The following ZSCAN25 variants were observed in gnomAD, a reference collection of about 807,000 sequenced individuals.
ZSCAN25 encodes the protein zinc finger and SCAN domain containing 25.
ZSCAN25 carries 27 observed loss-of-function variants against 38.7 expected under a neutral mutation model. The observed-to-expected ratio is 0.70, with a 90% confidence interval of 0.51 to 0.96. The LOEUF is 0.96. Ranked by LOEUF, ZSCAN25 falls within the 40% of genes least tolerant of loss-of-function variation. ZSCAN25 has a pLI of 0.00. For missense variants in ZSCAN25, 637 were observed against 705.9 expected (o/e 0.90, Z 1.11); for synonymous variants, 273 against 277.7 (o/e 0.98, Z 0.17).
At chr7:99,700,108 G>A in the ZSCAN25 span, 1 of 1,047,376 alleles carries the variant, frequency 9.5e-7, no homozygotes, top group South Asian at 1.3e-5. Context: ...TGGGCTGTCT[G>A]CCTGGAGCAT....
At chr7:99,721,232 C>A in the ZSCAN25 span, among the ~76,000 whole-genome samples, 1 of 152,120 alleles carries the variant, frequency 6.6e-6, no homozygotes, top group Non-Finnish European at 1.5e-5. Flanking sequence ...ATTTATATAT[C>A]CTTCTATTAA....
chr7:99,703,925 C>T, the ZSCAN25 span, among the ~76,000 whole-genome samples: 3 of 151,996 alleles, frequency 2.0e-5, no homozygotes, highest in Non-Finnish European at 1.5e-5. Flanking sequence ...CCTACTTGGT[C>T]TCTGACTTGG....
At chr7:99,660,322 A>C in the ZSCAN25 span, 6 of 1,220,002 alleles carry the variant, frequency 4.9e-6, no homozygotes, top group Non-Finnish European at 6.1e-6. Context: ...TGCTTCTGCC[A>C]GTAGCAACCG....
At chr7:99,661,015 T>C in the ZSCAN25 span, among the ~76,000 whole-genome samples, 9 of 152,170 alleles carry the variant, frequency 5.9e-5, no homozygotes, top group Admixed American at 3.9e-4. Context: ...TGTAAGTAAA[T>C]ATGGGGTAGG....
At chr7:99,715,739 G>T in the ZSCAN25 span, 1 of 1,613,522 alleles carries the variant, frequency 6.2e-7, no homozygotes, top group South Asian at 1.1e-5. Context: ...GAGAGAAAAG[G>T]AAATAGTAGT....
the ZSCAN25 span, among the ~76,000 whole-genome samples, chr7:99,737,453 C>T: frequency 6.6e-6 from 1 of 152,118 alleles, no homozygotes; most frequent in African/African-American, 2.4e-5. Context: ...AAGAAAGATG[C>T]AGTTTCTGAC....
chr7:99,624,756 C>T (rs73713531), intron 7 of ZSCAN25, among the ~76,000 whole-genome samples: 10,418 of 152,090 alleles, frequency 0.068, 509 homozygotes, highest in African/African-American at 0.13. Flanking sequence ...TGGGGGGATG[C>T]GGCCATTGTG....
At chr7:99,706,344 A>C in the ZSCAN25 span, among the ~76,000 whole-genome samples, 2 of 152,330 alleles carry the variant, frequency 1.3e-5, no homozygotes, top group East Asian at 3.9e-4. Context: ...TACCTTCCCC[A>C]TCCTAGGTGT....
the ZSCAN25 span, chr7:99,664,219 C>T: frequency 6.8e-6 from 6 of 879,148 alleles, no homozygotes; most frequent in Admixed American, 1.1e-4. Flanking sequence ...GGAACCCATT[C>T]CTTTTATCAT....
the ZSCAN25 span, chr7:99,672,722 T>C: frequency 6.2e-7 from 1 of 1,611,904 alleles, no homozygotes; most frequent in Non-Finnish European, 8.5e-7. Context: ...ACTAGCCCGA[T>C]TCTGCAGCTG....
chr7:99,724,562 C>G, the ZSCAN25 span, among the ~76,000 whole-genome samples: 16 of 152,024 alleles, frequency 1.1e-4, no homozygotes, highest in Admixed American at 1.0e-3. Flanking sequence ...TCTCCCCTCC[C>G]CACCAGGCTG....
chr7:99,655,332 G>C, the ZSCAN25 span, among the ~76,000 whole-genome samples: 1 of 152,204 alleles, frequency 6.6e-6, no homozygotes, highest in Non-Finnish European at 1.5e-5. Flanking sequence ...TTATTAAATA[G>C]GGAATCCTTT....
chr7:99,689,734 C>A, the ZSCAN25 span, among the ~76,000 whole-genome samples: 14 of 152,228 alleles, frequency 9.2e-5, no homozygotes, highest in East Asian at 5.8e-4. Context: ...TAGGAATCCA[C>A]CTTACAAGGG....
the ZSCAN25 span, among the ~76,000 whole-genome samples, chr7:99,697,509 T>C: frequency 2.0e-5 from 3 of 152,220 alleles, no homozygotes; most frequent in Non-Finnish European, 4.4e-5. Flanking sequence ...TGCTTTCAGC[T>C]GAAAGACAGG....
At position 99,629,866 on chromosome 7, in the gene ZSCAN25, G is replaced by T; in HGVS notation, c.1481G>T (p.Arg494Leu). 2 of 1,614,258 alleles carry T rather than the reference G, an allele frequency of 1.2e-6. No homozygotes were observed. The highest frequency in any genetic ancestry group is 1.7e-6 in the Non-Finnish European group (2 of 1,180,052). ...TATGGGTGCCAGGTGTGCGGGAAGC[G>T]GTTCAGCAAAGGGGAGCGGCTGGTC... ...KPYGCQVCGK[R>L]FSKGERLVRH... Residue 494 changes from arginine (R) to leucine (L), a missense_variant, in exon 8 of 8, where the codon CGG (arginine) becomes CTG (leucine). Physicochemically the swap from Arg to Leu is moderately radical, Grantham distance 102. Transcript: ENST00000394152. This position sits in a 1 kb window ranked among gnomAD's most constrained non-coding sequence, Gnocchi z 5.6.
the ZSCAN25 span, among the ~76,000 whole-genome samples, chr7:99,703,217 A>G: frequency 6.6e-6 from 1 of 152,202 alleles, no homozygotes; most frequent in African/African-American, 2.4e-5. Flanking sequence ...GTCTTTTTCA[A>G]ATATCATTTC....
chr7:99,665,256 C>T, the ZSCAN25 span: 7 of 1,613,974 alleles, frequency 4.3e-6, no homozygotes, highest in African/African-American at 2.7e-5. Context: ...TTGAGAGAGT[C>T]GATGTTCACT....
intron 7 of ZSCAN25, among the ~76,000 whole-genome samples, chr7:99,624,830 G>T (rs1053711692): frequency 6.6e-6 from 1 of 152,218 alleles, no homozygotes; most frequent in African/African-American, 2.4e-5. Context: ...CCAGCAGAGC[G>T]CACTGCGGGG....
the ZSCAN25 span, among the ~76,000 whole-genome samples, chr7:99,646,797 T>TACACACACACACACACAC: frequency 4.2e-5 from 6 of 142,170 alleles, no homozygotes; most frequent in East Asian, 8.2e-4. Context: ...ATATGTTTTA[T>TACACACACACACACACAC]ACACACACAC....
Sources: gnomAD v4.1 joint callset for allele counts (sites outside exome capture counted in the v4.1 genomes callset) on GRCh38, gnomAD v4.1.1 for gene constraint, Gnocchi (gnomAD v3.1) non-coding constraint, MANE v1.5 for transcripts, NCBI Gene and HGNC (gene_info 2026-07-23, HGNC 2026-07-21) for gene names.